ZNF385D: variants seen among roughly 807,000 people sequenced by gnomAD.
The protein encoded by ZNF385D is zinc finger protein 385D, also known as zinc finger protein 659.
Under a neutral mutation model 35.8 loss-of-function variants are expected in ZNF385D, and 15 were observed. The observed-to-expected ratio is 0.42, with a 90% confidence interval of 0.28 to 0.64. The LOEUF is 0.64. Among genes scored for constraint, ZNF385D ranks in the 30% least tolerant of loss-of-function variants. ZNF385D has a pLI of 0.23. For missense variants in ZNF385D, 474 were observed against 494.6 expected, an observed-to-expected ratio of 0.96 and a Z score of 0.39; for synonymous variants, 212 against 186.8, an observed-to-expected ratio of 1.13 and a Z score of -1.10.
chr3:22,167,854 A>C (rs1706436675), intron 3 of ZNF385D, among the ~76,000 whole-genome samples: 1 of 152,238 alleles, frequency 6.6e-6, no homozygotes, highest in African/African-American at 2.4e-5. Context: ...CATTTGAAAG[A>C]AATAAAAAAT....
At chr3:21,937,911 A>G (rs1701337686) in intron 3 of ZNF385D, among the ~76,000 whole-genome samples, 1 of 152,330 alleles carries the variant, frequency 6.6e-6, no homozygotes, top group South Asian at 2.1e-4. Context: ...AAGCAAAAAG[A>G]CCAAAAGTAG....
chr3:21,974,539 A>G (rs996753577), intron 3 of ZNF385D, among the ~76,000 whole-genome samples: 3 of 152,146 alleles, frequency 2.0e-5, no homozygotes, highest in Non-Finnish European at 2.9e-5. Context: ...AATACTCTAC[A>G]AGCACAAGCA....
chr3:21,716,897 G>A (rs377623223), intron 1 of ZNF385D, among the ~76,000 whole-genome samples: 2 of 152,070 alleles, frequency 1.3e-5, no homozygotes, highest in East Asian at 3.9e-4. Context: ...GCTGAGGCGG[G>A]TGGATCACAA....
rs1458595124 is a variant in ZNF385D at position 21,511,156 on chromosome 3, G to A, written c.277-133C>T. The A allele has an allele frequency of 3.8e-5, 41 of 1,083,294 alleles. No individual in the cohort carries two copies. The East Asian group carries it at 1.1e-3, about 28-fold the overall frequency. 67.1% of individuals were successfully genotyped at this position (1,083,294 alleles called of 1,614,324 possible). ...CTAATTCTGGCCGTGGCCAGACAGT[G>A]GGGTTCTATTTAGAATGATGCTAGA... is the stretch of plus-strand genomic sequence containing the variant. On this transcript the variant is annotated intron_variant, in intron 3 of 7. Transcript: ENST00000281523.
In ZNF385D at chr3:21,994,748, C is replaced by T. The variant is rs565619920; in HGVS notation, c.325+174069G>A. Among the ~76,000 whole-genome samples, 199 of 152,222 alleles carry T rather than the reference C, an allele frequency of 1.3e-3. 2 individuals are homozygous for T. The highest frequency in any genetic ancestry group is 3.2e-3 in the African/African-American group (133 of 41,540). ...GTGCTGATTGTGTAGGGTGCTTTGG[C>T]TTTGATTTTTGGATGGGCATGGTAG... is the stretch of plus-strand genomic sequence containing the variant. On this transcript the variant is annotated intron_variant, in intron 3 of 5. Transcript: ENST00000494108.
At chr3:21,510,794 G>T (rs1707144246) in intron 4 of ZNF385D, 67 bp downstream of exon 4, 8 of 1,592,288 alleles carry the variant, frequency 5.0e-6, no homozygotes, top group Non-Finnish European at 6.9e-6. Flanking sequence ...CAGACATGGG[G>T]CTAGACAAGG....
intron 3 of ZNF385D, among the ~76,000 whole-genome samples, chr3:22,132,201 G>T (rs1037295692): frequency 6.6e-6 from 1 of 152,032 alleles, no homozygotes; most frequent in Non-Finnish European, 1.5e-5. Context: ...GGGTCACAAG[G>T]GTAGAACCCT....
chr3:21,877,328 C>T (rs1489497867), intron 3 of ZNF385D, among the ~76,000 whole-genome samples: 1 of 151,996 alleles, frequency 6.6e-6, no homozygotes, highest in Non-Finnish European at 1.5e-5. Context: ...GCACAGTGGC[C>T]TGGAATTTTG....
chr3:21,814,330 A>G (rs2073057124), intron 3 of ZNF385D, among the ~76,000 whole-genome samples: 1 of 152,180 alleles, frequency 6.6e-6, no homozygotes, highest in South Asian at 2.1e-4. Context: ...TAATGATAGG[A>G]TCAAATTCAC....
intron 2 of ZNF385D, among the ~76,000 whole-genome samples, chr3:22,251,011 C>T (rs1017901423): frequency 2.0e-5 from 3 of 151,998 alleles, no homozygotes; most frequent in African/African-American, 7.2e-5. Flanking sequence ...CAGGACAACA[C>T]CAATCAATCG....
At chr3:22,101,695 C>T (rs939716527) in intron 3 of ZNF385D, among the ~76,000 whole-genome samples, 1 of 144,432 alleles carries the variant, frequency 6.9e-6, no homozygotes, top group Non-Finnish European at 1.5e-5. Flanking sequence ...CTACAAACCT[C>T]GGAAAGGATT....
intron 2 of ZNF385D, among the ~76,000 whole-genome samples, chr3:22,186,664 CT>C (rs1208644221): frequency 2.6e-5 from 4 of 152,004 alleles, no homozygotes; most frequent in African/African-American, 7.2e-5. Context: ...TATTTTTGGT[CT>C]CATGAGAATA....
At chr3:22,301,412 GGTGA>G (rs1415879015) in intron 2 of ZNF385D, among the ~76,000 whole-genome samples, 1 of 151,900 alleles carries the variant, frequency 6.6e-6, no homozygotes, top group Non-Finnish European at 1.5e-5. Flanking sequence ...AAAATTGCGA[GGTGA>G]GTGAATTTTA....
chr3:22,070,054 T>C (rs940613344), intron 3 of ZNF385D, among the ~76,000 whole-genome samples: 1 of 152,212 alleles, frequency 6.6e-6, no homozygotes, highest in African/African-American at 2.4e-5. Flanking sequence ...CTGAATTGTA[T>C]GCTGACATTG....
At chr3:22,228,440 T>G (rs1698691699) in intron 2 of ZNF385D, among the ~76,000 whole-genome samples, 1 of 152,154 alleles carries the variant, frequency 6.6e-6, no homozygotes, top group South Asian at 2.1e-4. Context: ...GGGTTCCATG[T>G]GGAAGATCAG....
At chr3:21,489,382 T>C (rs1264794195) in intron 4 of ZNF385D, among the ~76,000 whole-genome samples, 1 of 152,126 alleles carries the variant, frequency 6.6e-6, no homozygotes, top group East Asian at 1.9e-4. Flanking sequence ...AAGCTGGGTA[T>C]AGCAAAGAGA....
intron 3 of ZNF385D, among the ~76,000 whole-genome samples, chr3:22,154,373 C>T (rs764319913): frequency 6.6e-6 from 1 of 152,122 alleles, no homozygotes; most frequent in African/African-American, 2.4e-5. Flanking sequence ...GGTTTTCTTG[C>T]CTCTTACCTT....
intron 3 of ZNF385D, among the ~76,000 whole-genome samples, chr3:22,082,994 T>G (rs779739986): frequency 6.6e-6 from 1 of 152,156 alleles, no homozygotes; most frequent in Non-Finnish European, 1.5e-5. Flanking sequence ...TGCTGACTGT[T>G]AGAAGAAAAA....
intron 2 of ZNF385D, among the ~76,000 whole-genome samples, chr3:21,584,365 A>G (rs1042262598): frequency 6.6e-6 from 1 of 152,182 alleles, no homozygotes; most frequent in African/African-American, 2.4e-5. Context: ...TTTGTCTGTG[A>G]GTGACTTTAA....
Sources: allele counts gnomAD v4.1 joint callset (sites outside exome capture counted in the v4.1 genomes callset), GRCh38; gene constraint gnomAD v4.1.1; transcripts MANE v1.5; gene names NCBI Gene and HGNC (gene_info 2026-07-23, HGNC 2026-07-21).